DRC9: variants seen among roughly 807,000 people sequenced by gnomAD.
The protein encoded by DRC9 is dynein regulatory complex protein 9.
the DRC9 span, among the ~76,000 whole-genome samples, chr3:197,936,764 A>C: frequency 6.6e-6 from 1 of 152,226 alleles, no homozygotes; most frequent in Non-Finnish European, 1.5e-5. Flanking sequence ...CAGATGGAAT[A>C]TAAATCTAAA....
the DRC9 span, chr3:197,892,733 C>T: frequency 1.2e-6 from 2 of 1,614,146 alleles, no homozygotes; most frequent in Non-Finnish European, 1.7e-6. Flanking sequence ...ATTTCTCCAT[C>T]CAGAACTCCA....
the DRC9 span, among the ~76,000 whole-genome samples, chr3:197,920,831 C>CT: frequency 6.6e-6 from 1 of 152,098 alleles, no homozygotes; most frequent in Non-Finnish European, 1.5e-5. Flanking sequence ...AAGTCTGAAA[C>CT]TTTTTTTGCT....
At chr3:197,946,246 T>G in the DRC9 span, among the ~76,000 whole-genome samples, 2 of 151,550 alleles carry the variant, frequency 1.3e-5, no homozygotes, top group African/African-American at 4.9e-5. Context: ...CCATCCTGGC[T>G]AACACGGTGA....
chr3:197,951,026 C>T, the DRC9 span: 1 of 1,604,398 alleles, frequency 6.2e-7, no homozygotes, highest in Non-Finnish European at 8.5e-7. Context: ...TAGACGTGAA[C>T]GTAAATGCGA....
chr3:197,892,531 T>G, the DRC9 span: 1 of 1,430,966 alleles, frequency 7.0e-7, no homozygotes, highest in Non-Finnish European at 9.6e-7. Flanking sequence ...TTCCACTCCC[T>G]CCTCAGTGAG....
chr3:197,941,563 C>CTTCT, the DRC9 span, among the ~76,000 whole-genome samples: 38,225 of 114,714 alleles, frequency 0.33, 9,978 homozygotes, highest in African/African-American at 0.77. Context: ...CCCTCCCTTC[C>CTTCT]TTCTTTCTTT....
the DRC9 span, among the ~76,000 whole-genome samples, chr3:197,938,244 G>A: frequency 6.6e-6 from 1 of 151,202 alleles, no homozygotes; most frequent in Non-Finnish European, 1.5e-5. Flanking sequence ...TTGAACCCGG[G>A]AGGCGGAGGC....
chr3:197,913,884 A>T, the DRC9 span: 1 of 1,614,056 alleles, frequency 6.2e-7, no homozygotes, highest in South Asian at 1.1e-5. Context: ...GGATTACCTC[A>T]ATCTCTTCCA....
At chr3:197,924,627 C>A in the DRC9 span, among the ~76,000 whole-genome samples, 3 of 152,198 alleles carry the variant, frequency 2.0e-5, no homozygotes, top group East Asian at 5.8e-4. Context: ...TCAAGCGATT[C>A]TCCTGCCTCA....
At chr3:197,947,927 C>T in the DRC9 span, among the ~76,000 whole-genome samples, 5 of 143,906 alleles carry the variant, frequency 3.5e-5, no homozygotes, top group African/African-American at 1.3e-4. Context: ...TCCTGCTTTA[C>T]CTTTTTTTTT....
At chr3:197,948,138 G>C in the DRC9 span, among the ~76,000 whole-genome samples, 2 of 151,868 alleles carry the variant, frequency 1.3e-5, no homozygotes, top group Non-Finnish European at 2.9e-5. Flanking sequence ...TCACTATGTT[G>C]GCCAGGCTGG....
chr3:197,931,773 C>G, the DRC9 span, among the ~76,000 whole-genome samples: 1 of 151,774 alleles, frequency 6.6e-6, no homozygotes, highest in Non-Finnish European at 1.5e-5. Flanking sequence ...TACAGGCGCC[C>G]GCCACCACGC....
the DRC9 span, among the ~76,000 whole-genome samples, chr3:197,932,964 ATAT>A: frequency 6.4e-5 from 9 of 140,064 alleles, no homozygotes; most frequent in South Asian, 2.1e-4. Context: ...ATATTATTAT[ATAT>A]TATATTATAT....
the DRC9 span, among the ~76,000 whole-genome samples, chr3:197,915,725 G>A: frequency 2.6e-5 from 4 of 151,966 alleles, no homozygotes; most frequent in African/African-American, 7.3e-5. Context: ...CACCTCCCAG[G>A]TTCAAGTGAT....
At chr3:197,942,455 T>G in the DRC9 span, among the ~76,000 whole-genome samples, 3,957 of 136,796 alleles carry the variant, frequency 0.029, 206 homozygotes, top group African/African-American at 0.1. Context: ...ATTTAGAAAA[T>G]TTGAAATTTT....
chr3:197,912,634 CA>C, the DRC9 span: 1,062 of 1,372,954 alleles, frequency 7.7e-4, no homozygotes, highest in Non-Finnish European at 8.8e-4. Context: ...AAGCAGAGTA[CA>C]AAAAAAAAGT....
the DRC9 span, among the ~76,000 whole-genome samples, chr3:197,907,596 G>A: frequency 1.3e-5 from 2 of 152,346 alleles, no homozygotes; most frequent in African/African-American, 4.8e-5. Context: ...TGGTGTGTAA[G>A]TGATTTCCTT....
the DRC9 span, among the ~76,000 whole-genome samples, chr3:197,935,210 G>T: frequency 5.9e-5 from 9 of 152,186 alleles, no homozygotes; most frequent in East Asian, 1.7e-3. Flanking sequence ...GGAGACTGAG[G>T]CGGGCGGATC....
the DRC9 span, chr3:197,956,235 T>G: frequency 1.6e-5 from 3 of 190,466 alleles, no homozygotes; most frequent in Admixed American, 1.6e-4. Context: ...GATACAGTTA[T>G]GAGCCACCAC....
Sources: gnomAD v4.1 joint callset for allele counts (sites outside exome capture counted in the v4.1 genomes callset) on GRCh38, gnomAD v4.1.1 for gene constraint, MANE v1.5 for transcripts, NCBI Gene and HGNC (gene_info 2026-07-23, HGNC 2026-07-21) for gene names.